MZT2A: variants seen among roughly 807,000 people sequenced by gnomAD.
The protein encoded by MZT2A is mitotic-spindle organizing protein 2A.
A neutral mutation model predicts 12.4 loss-of-function variants in MZT2A; 8 were observed. The observed-to-expected ratio is 0.64, with a 90% CI of 0.38 to 1.16. The LOEUF (loss-of-function observed/expected upper bound fraction) is 1.16. MZT2A is among the 50% of genes most tolerant of loss of function. MZT2A has a pLI of 0.01. For synonymous variants in MZT2A, 88 were observed against 107.5 expected, an observed-to-expected ratio of 0.82 and a Z score of 1.12; for missense variants, 181 against 223.6, an observed-to-expected ratio of 0.81 and a Z score of 1.22.
intron 2 of MZT2A, among the ~76,000 whole-genome samples, chr2:131,488,649 G>A (rs529455066): frequency 1.2e-4 from 19 of 152,088 alleles, no homozygotes; most frequent in Non-Finnish European, 2.5e-4. Flanking sequence ...TAATATGTGG[G>A]CCTCAGAGAG....
chr2:131,493,101 G>T, upstream of MZT2A: 10 of 1,493,592 alleles, frequency 6.7e-6, no homozygotes, highest in Non-Finnish European at 9.0e-6. Context: ...CGGAATGGCG[G>T]CTTCCACCTC....
chr2:131,480,485 C>T (rs749159752), downstream of MZT2A: 2 of 1,589,930 alleles, frequency 1.3e-6, no homozygotes, highest in Non-Finnish European at 1.7e-6. Flanking sequence ...CGTACCCCCG[C>T]ATCCACTTCC....
intron 2 of MZT2A, among the ~76,000 whole-genome samples, chr2:131,477,209 T>A (rs1573856710): frequency 6.6e-6 from 1 of 151,318 alleles, no homozygotes; most frequent in Non-Finnish European, 1.5e-5. Context: ...GGCTAATTTG[T>A]AGATTTTTCA....
downstream of MZT2A, among the ~76,000 whole-genome samples, chr2:131,483,196 G>A (rs1299152280): frequency 2.6e-5 from 4 of 152,166 alleles, no homozygotes; most frequent in African/African-American, 4.8e-5. Context: ...GATTTTTCGG[G>A]CTTCTTTATT....
chr2:131,492,787 G>T, upstream of MZT2A: 4 of 1,356,386 alleles, frequency 2.9e-6, no homozygotes, highest in African/African-American at 1.5e-5. Flanking sequence ...TCTTCGGGGG[G>T]GGTGGGGGGC....
chr2:131,477,150 A>G (rs541299305), intron 2 of MZT2A, among the ~76,000 whole-genome samples: 3 of 150,192 alleles, frequency 2.0e-5, no homozygotes, highest in African/African-American at 4.9e-5. Flanking sequence ...CAGCCCTCCC[A>G]CCTCAGCCTT....
chr2:131,493,253 C>A, upstream of MZT2A: 1 of 1,348,092 alleles, frequency 7.4e-7, no homozygotes, highest in Non-Finnish European at 9.5e-7. Flanking sequence ...GGCGGCCCGG[C>A]GGCTCTGCCC....
upstream of MZT2A, chr2:131,492,800 T>C (rs974564079): frequency 1.7e-5 from 21 of 1,250,848 alleles, no homozygotes; most frequent in South Asian, 1.3e-5. Context: ...TGGGGGGCAC[T>C]AATCAACAAC....
Position 131,472,464 on chromosome 2 carries a change from T to G in MZT2A, c.279-282A>C, listed in dbSNP as rs563852655. The stretch of plus-strand genomic sequence containing the variant: ...GTAGAATAAATAGTTTGTTGCTAAT[T>G]TTCTACACTGTCTACTGGGAATATG... On this transcript the variant is annotated intron_variant and NMD_transcript_variant, in intron 2 of 4. Coordinates refer to the MZT2A transcript ENST00000427024. Among the ~76,000 whole-genome samples the G allele has an allele frequency of 1.3e-4, 20 of 152,350 alleles. 1 individual carries two copies. The highest frequency in any genetic ancestry group is 3.8e-4 in the African/African-American group (16 of 41,574).
At position 131,476,642 on chromosome 2, in the gene MZT2A, G is replaced by A. The variant is rs1197770725; in HGVS notation, c.279-4460C>T. 3.3e-5 allele frequency among the ~76,000 whole-genome samples: 5 copies of A among 152,162 alleles called. No homozygotes were observed. The East Asian group carries it at 9.6e-4, about 29-fold the overall frequency. On this transcript the variant is annotated intron_variant and NMD_transcript_variant, in intron 2 of 4. Transcript: ENST00000427024. Reference sequence around the variant, plus strand: ...GCAACATTGCCTTGTTCACCTAAAGGCAACCGTTAGGCCAGGCGCGGCGGC... The same window carrying A: ...GCAACATTGCCTTGTTCACCTAAAGACAACCGTTAGGCCAGGCGCGGCGGC...
At chr2:131,491,026 G>C in intron 2 of MZT2A, 2 of 1,382,078 alleles carry the variant, frequency 1.4e-6, no homozygotes, top group Admixed American at 3.9e-5. Flanking sequence ...CATGAAGGCA[G>C]CCTGCTTTCC....
chr2:131,480,967 G>C (rs907667726), downstream of MZT2A, among the ~76,000 whole-genome samples: 1 of 151,648 alleles, frequency 6.6e-6, no homozygotes, highest in Non-Finnish European at 1.5e-5. Context: ...GCAGTGGTGC[G>C]ATCTCAGCTA....
chr2:131,487,668 C>G (rs1287896189), intron 2 of MZT2A, among the ~76,000 whole-genome samples: 9 of 152,216 alleles, frequency 5.9e-5, no homozygotes, highest in Non-Finnish European at 1.2e-4. Context: ...GTTGCCCAGG[C>G]TGGTCTCAAA....
intron 2 of MZT2A, chr2:131,490,810 CAG>C: frequency 6.5e-7 from 1 of 1,549,934 alleles, no homozygotes; most frequent in African/African-American, 1.4e-5. Flanking sequence ...GGAGCATAAC[CAG>C]AGAGGCCGCA....
intron 2 of MZT2A, among the ~76,000 whole-genome samples, chr2:131,485,693 C>T (rs1294454222): frequency 3.3e-5 from 5 of 152,138 alleles, no homozygotes; most frequent in Non-Finnish European, 5.9e-5. Context: ...GTTCAGCCAA[C>T]AGAACACCCA....
At chr2:131,487,324 T>G (rs1283459658) in intron 2 of MZT2A, among the ~76,000 whole-genome samples, 1 of 151,892 alleles carries the variant, frequency 6.6e-6, no homozygotes, top group Non-Finnish European at 1.5e-5. Context: ...CCACAAAAAA[T>G]TTAAAAATTA....
rs1196154957 is a variant in MZT2A at position 131,490,932 on chromosome 2, G to A, written c.319+944C>T. On this transcript the variant is annotated intron_variant, in intron 2 of 2. Transcript: ENST00000309451. ...GAGACACAAAGAGAGCAGACAGAGC[G>A]AGGGTCAGTGAAGAGGCCAGCACGC... is the stretch of plus-strand genomic sequence containing the variant. 13 of 1,549,434 alleles carry A rather than the reference G, an allele frequency of 8.4e-6. No individual in the cohort carries two copies. In the African/African-American group the frequency reaches 1.8e-4, roughly 21 times the overall value.
chr2:131,471,216 G>A (rs1440202425), intron 3 of MZT2A, among the ~76,000 whole-genome samples: 16 of 139,944 alleles, frequency 1.1e-4, no homozygotes, highest in Admixed American at 8.0e-4. Context: ...GCAATGAGAC[G>A]CTGCCCAGCC....
chr2:131,492,613 A>C (rs1261315107), upstream of MZT2A: 24 of 1,214,602 alleles, frequency 2.0e-5, no homozygotes, highest in East Asian at 6.0e-5. Flanking sequence ...TGCAGGGGCC[A>C]GCTGCTTGGC....
Sources: gnomAD v4.1 joint callset for allele counts (sites outside exome capture counted in the v4.1 genomes callset) on GRCh38, gnomAD v4.1.1 for gene constraint, MANE v1.5 for transcripts, NCBI Gene and HGNC (gene_info 2026-07-23, HGNC 2026-07-21) for gene names.